Variants in SLC24A1 observed in about 807,000 individuals in gnomAD.
The protein encoded by SLC24A1 is solute carrier family 24 member 1, also known as sodium/potassium/calcium exchanger 1.
SLC24A1 carries 52 observed loss-of-function variants against 88.1 expected under a neutral mutation model. That is an observed-to-expected ratio of 0.59 (90% CI 0.47 to 0.74). The LOEUF is 0.74. SLC24A1 is among the 30% of genes least tolerant of loss of function. The probability of loss-of-function intolerance (pLI) is 0.00; values close to 1 mark genes in which losing one functional copy is unlikely to be tolerated. For missense variants in SLC24A1, 1,173 were observed against 1,363.3 expected, an observed-to-expected ratio of 0.86 and a Z score of 2.20; for synonymous variants, 455 against 498.0, an observed-to-expected ratio of 0.91 and a Z score of 1.15.
At chr15:65,651,224 TTTTAA>T (rs1230746079) in intron 7 of SLC24A1, among the ~76,000 whole-genome samples, 1 of 152,170 alleles carries the variant, frequency 6.6e-6, no homozygotes, top group African/African-American at 2.4e-5. Flanking sequence ...AGTTTCTTGA[TTTTAA>T]TTTGAGAATG....
At chr15:65,643,977 C>A in intron 4 of SLC24A1, 1 of 171,604 alleles carries the variant, frequency 5.8e-6, no homozygotes. Flanking sequence ...AAAACATCTC[C>A]CTGCAATTAT....
In SLC24A1 at chr15:65,651,704, G is replaced by T; in HGVS notation, c.2828G>T (p.Gly943Val). Residue 943 changes from glycine (G) to valine (V), a missense_variant, in exon 8 of 10, where the codon GGA (glycine) becomes GTA (valine). Coordinates refer to ENST00000261892, the MANE Select transcript of SLC24A1 (RefSeq NM_004727.3). Reference sequence around the variant, plus strand: ...AAGTTTTTTGTTTTCACCTTCCTGGGATCTATCATGTGGATAGCCATGTTC... The same window carrying T: ...AAGTTTTTTGTTTTCACCTTCCTGGTATCTATCATGTGGATAGCCATGTTC... ...SRKFFVFTFL[G>V]SIMWIAMFSY... The T allele has an allele frequency of 6.2e-7, 1 of 1,610,656 alleles. No individual in the cohort carries two copies. The highest frequency in any genetic ancestry group is 1.1e-5 in the South Asian group (1 of 90,904).
At position 65,626,025 on chromosome 15, in the gene SLC24A1, C is replaced by T. The variant is rs943169031; in HGVS notation, c.1890+55C>T. 17 of 1,314,908 alleles carry T rather than the reference C, an allele frequency of 1.3e-5. No individual in the cohort carries two copies. The East Asian group carries it at 1.8e-4, about 14-fold the overall frequency. 81.5% of individuals were successfully genotyped at this position (1,314,908 alleles called of 1,614,324 possible). A position where few individuals can be genotyped will look rare whatever the true frequency, so the allele number is the denominator to read the frequency against. ...GCCCCTTTGAGATGAAAGGATGTGGCGAAGCCAGGACCTGAAGAGAAGGTG... is the reference window on the plus strand; with the variant it reads ...GCCCCTTTGAGATGAAAGGATGTGGTGAAGCCAGGACCTGAAGAGAAGGTG... On this transcript the variant is annotated intron_variant, in intron 2 of 9. Transcript: ENST00000261892.
chr15:65,650,243 AT>A lies in SLC24A1; in HGVS notation c.2233-137del, dbSNP rs1224531732. On this transcript the variant is annotated intron_variant, in intron 6 of 9. Coordinates refer to ENST00000261892, the MANE Select transcript of SLC24A1 (RefSeq NM_004727.3). The surrounding 1 kb of genome is among the most constrained non-coding windows in gnomAD (Gnocchi z 4.1). ...AGTGTGGTCATGGGAATTCTGCTGA[AT>A]TATCGCACTAGTTTTCTCCTCATAC... 2.4e-5 allele frequency: 16 copies of A among 661,688 alleles called. 1 individual carries two copies. Among genetic ancestry groups the A allele is most frequent in the Non-Finnish European group, 4.2e-5 (16 of 385,026 alleles). The allele number at this position is 661,688 out of a possible 1,614,324, so 41.0% of individuals were successfully genotyped here. A position where few individuals can be genotyped will look rare whatever the true frequency, so the allele number is the denominator to read the frequency against.
At position 65,625,297 on chromosome 15, in the gene SLC24A1, C is replaced by T; in HGVS notation, c.1217C>T (p.Thr406Ile). 3 of 1,614,044 alleles carry T rather than the reference C, an allele frequency of 1.9e-6. No homozygotes were observed. Among genetic ancestry groups the T allele is most frequent in the Non-Finnish European group, 2.5e-6 (3 of 1,179,900 alleles). Residue 406 changes from threonine to isoleucine, a missense_variant, in exon 2 of 10, where the codon ACT (threonine) becomes ATT (isoleucine). Transcript: ENST00000261892. ...VVKPTPAMLTTPSPSLTTALL... is the reference protein window; with the variant it reads ...VVKPTPAMLTIPSPSLTTALL... ...AAGCCAACCCCAGCCATGCTCACCA[C>T]TCCCTCCCCAAGCCTCACAACAGCC...
intron 4 of SLC24A1, among the ~76,000 whole-genome samples, chr15:65,640,190 C>T (rs2075078792): frequency 6.6e-6 from 1 of 152,088 alleles, no homozygotes; most frequent in Non-Finnish European, 1.5e-5. Context: ...AGTGGCACTT[C>T]CTTTTGCTTT....
intron 3 of SLC24A1, among the ~76,000 whole-genome samples, chr15:65,639,287 G>A (rs1332811636): frequency 6.6e-6 from 1 of 152,218 alleles, no homozygotes; most frequent in Non-Finnish European, 1.5e-5. Context: ...GTTTCTGAGG[G>A]TGTACTTGCA....
chr15:65,624,073 T>G lies in SLC24A1; in HGVS notation c.-8T>G. On this transcript the variant is annotated 5_prime_UTR_variant, in exon 2 of 10. Coordinates refer to ENST00000261892, the MANE Select transcript of SLC24A1 (RefSeq NM_004727.3). Reference sequence around the variant, plus strand: ...GAGGCCTTCTGTAACCAGATATAACTGGCCAGCATGGGGAAATTGATCAGG... The same window carrying G: ...GAGGCCTTCTGTAACCAGATATAACGGGCCAGCATGGGGAAATTGATCAGG... 2 of 1,566,316 alleles carry G rather than the reference T, an allele frequency of 1.3e-6. No individual in the cohort carries two copies. Among genetic ancestry groups the G allele is most frequent in the Non-Finnish European group, 1.7e-6 (2 of 1,159,472 alleles).
chr15:65,618,966 A>G (rs2074234014), upstream of SLC24A1: 1 of 152,246 alleles, frequency 6.6e-6, no homozygotes, highest in African/African-American at 2.4e-5. Flanking sequence ...CACCACCTGC[A>G]TCCCCCTGTC....
intron 5 of SLC24A1, among the ~76,000 whole-genome samples, chr15:65,645,221 C>A (rs554598425): frequency 6.6e-6 from 1 of 152,234 alleles, no homozygotes; most frequent in African/African-American, 2.4e-5. Context: ...TCCCGTCAGT[C>A]CTGTTCCAAG....
rs766002375 is a variant in SLC24A1, at chr15:65,652,742, G to C, written c.2984G>C (p.Arg995Pro). The C allele has an allele frequency of 6.2e-7, 1 of 1,613,834 alleles. No individual in the cohort carries two copies. The highest frequency in any genetic ancestry group is 1.1e-5 in the South Asian group (1 of 91,056). The change falls in exon 9 of 10, where the codon CGA becomes CCA. Residue 995 changes from arginine to proline, a missense_variant. Physicochemically the swap from Arg to Pro is moderately radical, Grantham distance 103. Transcript: ENST00000261892. ...CTCATCACCAGTGTGATTGTCGCTCGAAAAGGCCTGGGAGACATGGCTGTG... is the reference window on the plus strand; with the variant it reads ...CTCATCACCAGTGTGATTGTCGCTCCAAAAGGCCTGGGAGACATGGCTGTG... ...PDLITSVIVA[R>P]KGLGDMAVSS...
At chr15:65,640,952 T>C (rs2075105635) in intron 4 of SLC24A1, among the ~76,000 whole-genome samples, 1 of 152,036 alleles carries the variant, frequency 6.6e-6, no homozygotes, top group Non-Finnish European at 1.5e-5. Flanking sequence ...TCCCAGCTAC[T>C]TGGGAGGCTG....
intron 2 of SLC24A1, among the ~76,000 whole-genome samples, chr15:65,634,737 CA>C (rs1332353082): frequency 2.1e-5 from 1 of 48,204 alleles, no homozygotes; most frequent in South Asian, 5.6e-4. Context: ...AAATCAAAAG[CA>C]CCAAAAAAAA....
At chr15:65,641,963 C>T (rs563491992) in intron 4 of SLC24A1, among the ~76,000 whole-genome samples, 9 of 152,306 alleles carry the variant, frequency 5.9e-5, no homozygotes, top group East Asian at 5.8e-4. Flanking sequence ...TGTGAGGAAA[C>T]GAGTGCCCAG....
intron 6 of SLC24A1, among the ~76,000 whole-genome samples, chr15:65,647,780 ATCT>A (rs1218388732): frequency 2.0e-5 from 3 of 152,134 alleles, no homozygotes; most frequent in Admixed American, 2.0e-4. Context: ...TCAGACGAAA[ATCT>A]TCTCAATCCT....
intron 6 of SLC24A1, among the ~76,000 whole-genome samples, chr15:65,648,746 C>T (rs1487214158): frequency 6.6e-6 from 1 of 152,042 alleles, no homozygotes; most frequent in Admixed American, 6.6e-5. Context: ...ATGATCCGCC[C>T]GACTCAGCCT....
chr15:65,618,898 A>C (rs1207393123), upstream of SLC24A1: 1 of 152,238 alleles, frequency 6.6e-6, no homozygotes, highest in Non-Finnish European at 1.5e-5. Context: ...CCGCTCCAGA[A>C]GGGCACTTGA....
At position 65,653,929 on chromosome 15, in the gene SLC24A1, C is replaced by T. The variant is rs1286882049; in HGVS notation, c.3150C>T (p.Leu1050=). 16 of 1,613,962 alleles carry T rather than the reference C, an allele frequency of 9.9e-6. No homozygotes were observed. The highest frequency in any genetic ancestry group is 1.4e-5 in the Non-Finnish European group (16 of 1,179,866). Residue 1050 remains leucine (L), a synonymous_variant, in exon 10 of 10, where the codon CTC becomes CTT. Transcript: ENST00000261892. ...GLFCAIVLLF[L]MLLFVISSIA... ...TTTGTGCAATTGTTTTGCTTTTTCT[C>T]ATGCTTCTGTTTGTGATCTCTTCAA...
intron 1 of SLC24A1, chr15:65,612,197 G>T (rs1209663707): frequency 6.6e-6 from 1 of 152,380 alleles, no homozygotes; most frequent in Non-Finnish European, 1.5e-5. Context: ...TAGGGAGCCA[G>T]GGAATCCCAG....
Sources: allele counts gnomAD v4.1 joint callset (sites outside exome capture counted in the v4.1 genomes callset), GRCh38; gene constraint gnomAD v4.1.1; non-coding constraint Gnocchi (gnomAD v3.1); transcripts MANE v1.5; gene names NCBI Gene and HGNC (gene_info 2026-07-23, HGNC 2026-07-21).